Variants in COL4A4 observed in about 807,000 individuals in gnomAD.
COL4A4 encodes collagen alpha-4(IV) chain.
A neutral mutation model predicts 192.9 loss-of-function variants in COL4A4; 105 were observed. That is an observed-to-expected ratio of 0.54 (90% CI 0.46 to 0.64). COL4A4 has a LOEUF of 0.64. Ranked by LOEUF, COL4A4 falls within the 30% of genes least tolerant of loss-of-function variation. The pLI is 0.00. For synonymous variants in COL4A4, 762 were observed against 769.9 expected (o/e 0.99, Z 0.17); for missense variants, 1,967 against 2,169.3 (o/e 0.91, Z 1.85).
chr2:227,051,036 G>A lies in COL4A4; in HGVS notation c.3091C>T (p.Pro1031Ser). 6.2e-7 allele frequency: 1 copy of A among 1,614,162 alleles called. No individual in the cohort carries two copies. Among genetic ancestry groups the A allele is most frequent in the Non-Finnish European group, 8.5e-7 (1 of 1,180,024 alleles). Residue 1031 changes from proline (P) to serine (S), a missense_variant, in exon 33 of 48, where the codon CCT becomes TCT. By Grantham distance (74) the Pro-to-Ser change is moderately conservative (BLOSUM62 -1). Transcript: ENST00000396625. ...GQPGPPGPPG[P>S]PGSTGLRGFI... is the part of the protein sequence containing the mutation. ...CCTCTTAGACCAGTTGAGCCTGGAG[G>A]GCCTGGGGGTCCAGGAGGCCCTGGC...
At chr2:227,087,245 C>T (rs1053292296) in intron 22 of COL4A4, among the ~76,000 whole-genome samples, 1 of 152,210 alleles carries the variant, frequency 6.6e-6, no homozygotes, top group Non-Finnish European at 1.5e-5. Context: ...CACTCTCTGG[C>T]ATGATATCAC....
chr2:227,111,662 T>C lies in COL4A4; in HGVS notation c.594+16A>G, dbSNP rs1330895428. 2.5e-6 allele frequency: 4 copies of C among 1,613,722 alleles called. No homozygotes were observed. The highest frequency in any genetic ancestry group is 3.4e-6 in the Non-Finnish European group (4 of 1,179,700). On this transcript the variant is annotated intron_variant, in intron 9 of 47. Coordinates refer to ENST00000396625, the MANE Select transcript of COL4A4 (RefSeq NM_000092.5). The stretch of plus-strand genomic sequence containing the variant: ...GAGGAGGAAATAGAAGCATAGAGCC[T>C]GCTCAGGAGACTTACTGGTAAGCCA...
chr2:226,984,141 A>G, the COL4A4 span, among the ~76,000 whole-genome samples: 1 of 152,236 alleles, frequency 6.6e-6, no homozygotes, highest in Non-Finnish European at 1.5e-5. Context: ...CGCTCTGATC[A>G]CTGGGGGTCT....
intron 1 of COL4A4, among the ~76,000 whole-genome samples, chr2:227,156,375 T>C (rs2064349077): frequency 7.3e-6 from 1 of 137,106 alleles, no homozygotes; most frequent in Admixed American, 8.0e-5. Flanking sequence ...CCAACCTAGG[T>C]GACACAGTGA....
At chr2:227,055,893 T>C in intron 30 of COL4A4, 52 bp downstream of exon 30, 1 of 1,532,024 alleles carries the variant, frequency 6.5e-7, no homozygotes, top group Non-Finnish European at 9.0e-7. Flanking sequence ...CACTTGGCAG[T>C]GGATTTCATG....
At chr2:227,126,515 A>C (rs2062099875) in intron 4 of COL4A4, among the ~76,000 whole-genome samples, 1 of 152,238 alleles carries the variant, frequency 6.6e-6, no homozygotes, top group Admixed American at 6.5e-5. Context: ...CTTTATTTCA[A>C]CCATATGCAA....
chr2:227,100,084 A>C (rs2060422772), intron 17 of COL4A4, among the ~76,000 whole-genome samples: 1 of 152,230 alleles, frequency 6.6e-6, no homozygotes, highest in Non-Finnish European at 1.5e-5. Context: ...TTTTAGCAAC[A>C]AATAGCGTCC....
chr2:227,120,281 T>C lies in COL4A4; in HGVS notation c.328-342A>G, dbSNP rs551268829. Among the ~76,000 whole-genome samples the C allele has an allele frequency of 3.0e-4, 46 of 152,250 alleles. 3 individuals are homozygous for C. In the Middle Eastern group the frequency reaches 0.024, roughly 79 times the overall value. Reference sequence around the variant, plus strand: ...TTTTGCACATCTGCACTACCCAAAGTTGGGGTAGAATCTCAAGTGCTCATC... The same window carrying C: ...TTTTGCACATCTGCACTACCCAAAGCTGGGGTAGAATCTCAAGTGCTCATC... On this transcript the variant is annotated intron_variant, in intron 5 of 47. Coordinates refer to ENST00000396625, the MANE Select transcript of COL4A4 (RefSeq NM_000092.5).
chr2:226,970,542 T>G, the COL4A4 span, among the ~76,000 whole-genome samples: 2 of 152,184 alleles, frequency 1.3e-5, no homozygotes, highest in Non-Finnish European at 2.9e-5. Flanking sequence ...CAGCCTTATT[T>G]TTAGGCACTG....
At chr2:226,988,249 C>A in the COL4A4 span, 1 of 1,297,598 alleles carries the variant, frequency 7.7e-7, no homozygotes, top group Non-Finnish European at 1.0e-6. Flanking sequence ...GGGAGTAGGA[C>A]TCATATCAGG....
intron 24 of COL4A4, among the ~76,000 whole-genome samples, chr2:227,079,720 T>C (rs916092428): frequency 2.0e-5 from 3 of 152,232 alleles, no homozygotes; most frequent in Non-Finnish European, 2.9e-5. Flanking sequence ...GAATATCAGA[T>C]GCTAAGCCTC....
intron 25 of COL4A4, among the ~76,000 whole-genome samples, chr2:227,072,549 T>C (rs2150410721): frequency 6.6e-6 from 1 of 151,960 alleles, no homozygotes; most frequent in African/African-American, 2.4e-5. Context: ...CCCTAAATCA[T>C]TCTATTAAGC....
At position 227,067,752 on chromosome 2, in the gene COL4A4, T is replaced by A. The variant is rs570728157; in HGVS notation, c.1988-5154A>T. Among the ~76,000 whole-genome samples, 378 of 151,994 alleles carry A rather than the reference T, an allele frequency of 2.5e-3. 1 individual carries two copies. The highest frequency in any genetic ancestry group is 7.8e-3 in the African/African-American group (322 of 41,440). On this transcript the variant is annotated intron_variant, in intron 25 of 47. Transcript: ENST00000396625. ...GGGAAATTTATAGCACTAAATGCCC[T>A]CAAGAGAAAGCAGGAAAGATCTAAA... is the stretch of plus-strand genomic sequence containing the variant.
At chr2:227,037,226 C>A (rs1302433006) in intron 37 of COL4A4, among the ~76,000 whole-genome samples, 2 of 152,128 alleles carry the variant, frequency 1.3e-5, no homozygotes, top group Non-Finnish European at 2.9e-5. Context: ...CTAATGCTAT[C>A]CCTCCCCTAG....
At chr2:227,126,161 G>T (rs116245055) in intron 4 of COL4A4, among the ~76,000 whole-genome samples, 1,585 of 152,178 alleles carry the variant, frequency 0.01, 33 homozygotes, top group African/African-American at 0.036. Flanking sequence ...CATTTACATA[G>T]AATTCTAAAT....
the COL4A4 span, among the ~76,000 whole-genome samples, chr2:226,993,619 TGTTCTA>T: frequency 3.3e-5 from 5 of 152,040 alleles, no homozygotes; most frequent in Non-Finnish European, 7.4e-5. Flanking sequence ...TATTTTGGGG[TGTTCTA>T]GTCAGGAAGG....
At chr2:227,050,921 T>A in intron 33 of COL4A4, 56 bp downstream of exon 33, 4 of 1,605,140 alleles carry the variant, frequency 2.5e-6, no homozygotes, top group Non-Finnish European at 2.6e-6. Flanking sequence ...CTTACGGACA[T>A]CCTAAGAACA....
At chr2:226,986,033 G>C in the COL4A4 span, among the ~76,000 whole-genome samples, 1 of 152,244 alleles carries the variant, frequency 6.6e-6, no homozygotes, top group Admixed American at 6.5e-5. Context: ...ACAGCACGTT[G>C]ATATGTGATG....
intron 20 of COL4A4, among the ~76,000 whole-genome samples, chr2:227,093,690 A>G (rs562357478): frequency 4.6e-5 from 7 of 151,724 alleles, no homozygotes; most frequent in African/African-American, 1.5e-4. Context: ...TTTTTATTTC[A>G]TTTATTATTT....
Sources: allele counts gnomAD v4.1 joint callset (sites outside exome capture counted in the v4.1 genomes callset), GRCh38; gene constraint gnomAD v4.1.1; transcripts MANE v1.5; gene names NCBI Gene and HGNC (gene_info 2026-07-23, HGNC 2026-07-21).